Variants in CCNY observed in about 807,000 individuals in gnomAD.
CCNY encodes the protein cyclin Y.
In CCNY, 19 loss-of-function variants were observed where a neutral mutation model predicts 42.8. That is an observed-to-expected ratio of 0.44 (90% CI 0.31 to 0.65). The LOEUF (loss-of-function observed/expected upper bound fraction) is 0.65. Among genes scored for constraint, CCNY ranks in the 30% least tolerant of loss-of-function variants. The pLI, the probability that CCNY is intolerant of heterozygous loss-of-function variation, is 0.07. For synonymous variants in CCNY, 165 were observed against 162.7 expected (o/e 1.01, Z -0.11); for missense variants, 370 against 437.3 (o/e 0.85, Z 1.37).
chr10:35,496,522 C>T (rs893092127), intron 2 of CCNY, among the ~76,000 whole-genome samples: 22 of 152,108 alleles, frequency 1.4e-4, no homozygotes, highest in Admixed American at 3.3e-4. Flanking sequence ...ATTGGAAGGT[C>T]GGTCTATTTT....
At chr10:35,332,066 C>T (rs1835950085), upstream of CCNY, among the ~76,000 whole-genome samples, 1 of 152,228 alleles carries the variant, frequency 6.6e-6, no homozygotes, top group African/African-American at 2.4e-5. Context: ...AATACTTCCC[C>T]TGTAGCTGGT....
At chr10:35,306,228 T>C (rs938916861) in intron 3 of CCNY, among the ~76,000 whole-genome samples, 10 of 151,890 alleles carry the variant, frequency 6.6e-5, no homozygotes, top group African/African-American at 2.4e-4. Context: ...AGAGACAGGG[T>C]TTCACCATGT....
chr10:35,436,212 C>T (rs557912500), intron 1 of CCNY, among the ~76,000 whole-genome samples: 6 of 152,224 alleles, frequency 3.9e-5, no homozygotes, highest in Non-Finnish European at 7.4e-5. Context: ...ATTTGGACAT[C>T]GCCTTTTGGA....
chr10:35,425,221 A>G (rs369351357), intron 1 of CCNY, among the ~76,000 whole-genome samples: 23 of 152,212 alleles, frequency 1.5e-4, no homozygotes, highest in Admixed American at 7.2e-4. Flanking sequence ...GCACTTTGTG[A>G]TAATAGTTCA....
chr10:35,538,353 A>G (rs960810072), intron 7 of CCNY, among the ~76,000 whole-genome samples: 5 of 152,228 alleles, frequency 3.3e-5, no homozygotes, highest in South Asian at 2.1e-4. Flanking sequence ...TTGCTGGGTC[A>G]TATGGTAACT....
chr10:35,370,712 CTATTT>C (rs1836913919), intron 1 of CCNY, among the ~76,000 whole-genome samples: 1 of 151,634 alleles, frequency 6.6e-6, no homozygotes, highest in Admixed American at 6.6e-5. Flanking sequence ...TTGGATAAAA[CTATTT>C]TATTTTATTT....
chr10:35,367,645 C>G (rs1392299250), intron 1 of CCNY, among the ~76,000 whole-genome samples: 1 of 152,216 alleles, frequency 6.6e-6, no homozygotes, highest in African/African-American at 2.4e-5. Context: ...ATAGAAGTCA[C>G]TTTGTGAGAG....
intron 1 of CCNY, among the ~76,000 whole-genome samples, chr10:35,422,866 C>T (rs946736141): frequency 6.6e-6 from 1 of 152,086 alleles, no homozygotes; most frequent in African/African-American, 2.4e-5. Flanking sequence ...AATTGTCTAG[C>T]TAGTAAAAGG....
intron 1 of CCNY, among the ~76,000 whole-genome samples, chr10:35,379,445 C>G (rs1837129331): frequency 6.6e-6 from 1 of 152,162 alleles, no homozygotes; most frequent in South Asian, 2.1e-4. Context: ...GAGCCAGACT[C>G]TGTATTACAG....
At chr10:35,449,314 C>T (rs1233215923) in intron 1 of CCNY, among the ~76,000 whole-genome samples, 1 of 151,074 alleles carries the variant, frequency 6.6e-6, no homozygotes, top group Non-Finnish European at 1.5e-5. Flanking sequence ...GAGAGATGGT[C>T]CCGGCAGTCA....
At chr10:35,495,276 C>A in intron 2 of CCNY, among the ~76,000 whole-genome samples, 1 of 152,146 alleles carries the variant, frequency 6.6e-6, no homozygotes, top group Non-Finnish European at 1.5e-5. Context: ...GCATGCATTT[C>A]TTTTCTGATT....
In CCNY at chr10:35,404,204, C is replaced by T. The variant is rs376972974; in HGVS notation, c.154+66997C>T. 2.8e-3 allele frequency among the ~76,000 whole-genome samples: 412 copies of T among 145,866 alleles called. 5 individuals are homozygous for T. The East Asian group carries it at 0.042, about 15-fold the overall frequency. On this transcript the variant is annotated intron_variant, in intron 1 of 9. Coordinates refer to ENST00000374704, the MANE Select transcript of CCNY (RefSeq NM_145012.6). Reference sequence around the variant, plus strand: ...TTGAGGGCCTCTAAAAGTATTAGGGCGGCAGCAGCCACTGCACACAGACAT... The same window carrying T: ...TTGAGGGCCTCTAAAAGTATTAGGGTGGCAGCAGCCACTGCACACAGACAT...
chr10:35,329,308 T>C (rs1051953829), intron 3 of CCNY, among the ~76,000 whole-genome samples: 39 of 152,280 alleles, frequency 2.6e-4, no homozygotes, highest in African/African-American at 9.1e-4. Context: ...TCCCAGCACT[T>C]TGGGAGGCCC....
intron 3 of CCNY, among the ~76,000 whole-genome samples, chr10:35,293,151 G>A (rs1390042197): frequency 6.6e-6 from 1 of 152,106 alleles, no homozygotes; most frequent in Non-Finnish European, 1.5e-5. Context: ...TTTAATTTTT[G>A]TATATGGAGT....
At chr10:35,305,216 A>G (rs561488250) in intron 3 of CCNY, among the ~76,000 whole-genome samples, 5 of 152,262 alleles carry the variant, frequency 3.3e-5, no homozygotes, top group South Asian at 4.1e-4. Context: ...TTTAATGAAA[A>G]TTGTCATTTT....
chr10:35,549,767 C>T (rs573828286), intron 7 of CCNY, among the ~76,000 whole-genome samples: 184 of 118,162 alleles, frequency 1.6e-3, no homozygotes, highest in African/African-American at 5.6e-3. Flanking sequence ...CGTGACCCTG[C>T]GCTGCTCATG....
At chr10:35,425,534 T>C (rs980173031) in intron 1 of CCNY, among the ~76,000 whole-genome samples, 5 of 152,236 alleles carry the variant, frequency 3.3e-5, no homozygotes, top group African/African-American at 1.2e-4. Flanking sequence ...TGGGATGTTA[T>C]ATATGGCTTA....
rs139035526 is a variant in CCNY at position 35,301,464 on chromosome 10, G to A, written c.-9+50838G>A. 7.9e-5 allele frequency among the ~76,000 whole-genome samples: 12 copies of A among 152,312 alleles called. No individual in the cohort carries two copies. The East Asian group carries it at 2.3e-3, about 29-fold the overall frequency. ...TAAAATGAAGTCACTTCACTTCCAT[G>A]TAGTCCATGGCAAACTGTGATAATC... On this transcript the variant is annotated intron_variant, in intron 3 of 11. Transcript: ENST00000374706.
chr10:35,511,813 G>A (rs1309798126), intron 3 of CCNY, among the ~76,000 whole-genome samples: 1 of 152,214 alleles, frequency 6.6e-6, no homozygotes. Context: ...ATGTCCAAGT[G>A]TGGTGTGCAG....
Sources: allele counts gnomAD v4.1 joint callset (sites outside exome capture counted in the v4.1 genomes callset), GRCh38; gene constraint gnomAD v4.1.1; transcripts MANE v1.5; gene names NCBI Gene and HGNC (gene_info 2026-07-23, HGNC 2026-07-21).